The following CKM variants were observed in gnomAD, a reference collection of about 807,000 sequenced individuals.
CKM encodes creatine kinase, M-type.
In CKM, 28 loss-of-function variants were observed where a neutral mutation model predicts 35.4. The observed-to-expected ratio is 0.79, with a 90% CI of 0.59 to 1.08. CKM has a LOEUF of 1.08. Ranked by LOEUF, CKM falls within the 50% of genes least tolerant of loss-of-function variation. CKM has a pLI of 0.00. For missense variants in CKM, 484 were observed against 509.8 expected (o/e 0.95, Z 0.49); for synonymous variants, 215 against 204.4 (o/e 1.05, Z -0.44).
chr19:45,318,637 C>A (rs993080408), intron 2 of CKM, among the ~76,000 whole-genome samples: 7 of 151,896 alleles, frequency 4.6e-5, no homozygotes, highest in Non-Finnish European at 7.4e-5. Context: ...ATGTTAGGAT[C>A]TCAGGCTACC....
intron 5 of CKM, among the ~76,000 whole-genome samples, chr19:45,310,368 C>T (rs1313480992): frequency 6.6e-6 from 1 of 151,612 alleles, no homozygotes; most frequent in Non-Finnish European, 1.5e-5. Context: ...GATCCGCCCG[C>T]CTTGGCCTCC....
chr19:45,318,048 T>G, intron 2 of CKM, 69 bp from the exon 3 acceptor site: 1 of 1,407,870 alleles, frequency 7.1e-7, no homozygotes, highest in Non-Finnish European at 1.0e-6. Flanking sequence ...GTGGGCTCAG[T>G]GGAGCCTGTG....
intron 3 of CKM, among the ~76,000 whole-genome samples, chr19:45,316,690 G>A (rs1415597283): frequency 2.6e-5 from 4 of 151,486 alleles, no homozygotes; most frequent in South Asian, 2.1e-4. Context: ...CTGCAACTGC[G>A]TGTGTCTCTC....
intron 1 of CKM, 128 bp from the exon 2 acceptor site, chr19:45,319,859 C>T (rs1485606408): frequency 1.7e-5 from 12 of 697,900 alleles, no homozygotes; most frequent in Admixed American, 2.6e-5. Context: ...GGCACGATCT[C>T]GGCTCACTGC....
chr19:45,320,680 C>T (rs1022781239), intron 1 of CKM, among the ~76,000 whole-genome samples: 6 of 152,064 alleles, frequency 3.9e-5, no homozygotes, highest in African/African-American at 1.4e-4. Context: ...TGGAATCAGC[C>T]CAGGGTTTGA....
chr19:45,306,864 C>G lies in CKM; in HGVS notation c.1032G>C (p.Ser344=), dbSNP rs767224509. 5 of 1,614,208 alleles carry G rather than the reference C, an allele frequency of 3.1e-6. No individual in the cohort carries two copies. In the South Asian group the frequency reaches 4.4e-5, roughly 14 times the overall value. The change falls in exon 8 of 8, where the codon TCG becomes TCC. Residue 344 remains serine (S), a synonymous_variant. Transcript: ENST00000221476. The surrounding 1 kb of genome is among the most constrained non-coding windows in gnomAD (Gnocchi z 4.5). ...CCAGCTGCACCTGTTCTACTTCGGA[C>G]GAGCCCAGCCGATCAGCGTTGGACA... The part of the protein sequence containing the change: ...FDVSNADRLG[S]SEVEQVQLVV...
chr19:45,319,425 G>GCC (rs1555770296), intron 2 of CKM, 96 bp downstream of exon 2: 1 of 942,048 alleles, frequency 1.1e-6, no homozygotes, highest in Non-Finnish European at 1.7e-6. Flanking sequence ...AGAAAACTGA[G>GCC]GCCCCCCCCC....
chr19:45,318,968 C>T lies in CKM; in HGVS notation c.193+553G>A, dbSNP rs138961150. 3.2e-3 allele frequency among the ~76,000 whole-genome samples: 486 copies of T among 152,174 alleles called. 3 individuals carry two copies. The highest frequency in any genetic ancestry group is 0.011 in the African/African-American group (474 of 41,512). On this transcript the variant is annotated intron_variant, in intron 2 of 7. Coordinates refer to ENST00000221476, the MANE Select transcript of CKM (RefSeq NM_001824.5). ...CTCCCAGGCTCAAGCGATCCTCCCA[C>T]CGCAGCCTCCTGAGTAGCTTGGACC...
rs1273298877 is a variant in CKM at position 45,315,591 on chromosome 19, C to CAGG, written c.354_355insCCT (p.Gly118_Asp119insPro). Reference sequence around the variant, plus strand: ...AGCACGTAGTTAGGGTCCAGGTCGTCTCCACCCTGGAGAGCGGGTGGGAGA... The same window carrying CAGG: ...AGCACGTAGTTAGGGTCCAGGTCGTCAGGTCCACCCTGGAGAGCGGGTGGGAGA... On this transcript the variant is annotated inframe_insertion, in exon 4 of 8. Coordinates refer to ENST00000221476, the MANE Select transcript of CKM (RefSeq NM_001824.5). The CAGG allele has an allele frequency of 5.6e-6, 9 of 1,603,646 alleles. No homozygotes were observed. Among genetic ancestry groups the CAGG allele is most frequent in the Non-Finnish European group, 5.1e-6 (6 of 1,179,960 alleles).
At chr19:45,319,491 C>A in intron 2 of CKM, 30 bp downstream of exon 2, 1 of 1,586,622 alleles carries the variant, frequency 6.3e-7, no homozygotes, top group East Asian at 2.2e-5. Context: ...CCCCATGTAG[C>A]CCCTTCAGTG....
At chr19:45,310,143 C>T (rs142548240) in intron 5 of CKM, among the ~76,000 whole-genome samples, 1,531 of 74,438 alleles carry the variant, frequency 0.021, 29 homozygotes, top group African/African-American at 0.075. Context: ...TTTTTTGAGA[C>T]AGAGTCTTGG....
At chr19:45,310,865 G>C (rs1177681803) in intron 5 of CKM, among the ~76,000 whole-genome samples, 1 of 143,290 alleles carries the variant, frequency 7.0e-6, no homozygotes, top group Non-Finnish European at 1.5e-5. Flanking sequence ...CCGCCTCTTG[G>C]GTTCAGGCCA....
In CKM at chr19:45,315,504, G is replaced by A. The variant is rs201797734; in HGVS notation, c.442C>T (p.Arg148Cys). ...TTCTCCACCGCCCGGCGCTCGCCACGGGAGCAGTGTGGGGGCAACGTGTAG... is the reference window on the plus strand; with the variant it reads ...TTCTCCACCGCCCGGCGCTCGCCACAGGAGCAGTGTGGGGGCAACGTGTAG... ...KGYTLPPHCS[R>C]GERRAVEKLS... is the part of the protein sequence containing the mutation. Residue 148 changes from arginine (R) to cysteine (C), a missense_variant, in exon 4 of 8, where the codon CGT becomes TGT. Arg to Cys is a radical substitution (Grantham distance 180). Coordinates refer to ENST00000221476, the MANE Select transcript of CKM (RefSeq NM_001824.5). The A allele has an allele frequency of 6.2e-6, 10 of 1,600,274 alleles. No homozygotes were observed. The highest frequency in any genetic ancestry group is 1.6e-4 in the Middle Eastern group (1 of 6,078).
At position 45,308,454 on chromosome 19, in the gene CKM, G is replaced by T. The variant is rs60621776; in HGVS notation, c.732C>A (p.Gly244=). 5.0e-6 allele frequency: 8 copies of T among 1,614,102 alleles called. No individual in the cohort carries two copies. The South Asian group carries it at 7.7e-5, about 16-fold the overall frequency. ...AGCGGCGGAAAACCTCCTTCATGTT[G>T]CCCCCCTTCTCCATGGAGATGACCC... ...HLRVISMEKG[G]NMKEVFRRFC... is the part of the protein sequence containing the mutation. Residue 244 remains glycine (G), a synonymous_variant, in exon 6 of 8, where the codon GGC becomes GGA. Transcript: ENST00000221476.
chr19:45,322,156 A>T (rs12981681), intron 1 of CKM, among the ~76,000 whole-genome samples: 26,020 of 151,096 alleles, frequency 0.17, 2,899 homozygotes, highest in Non-Finnish European at 0.25. Flanking sequence ...CCTTCAGAGG[A>T]TGCCCCCCTA....
In CKM at chr19:45,319,720, G is replaced by A. The variant is rs775525357; in HGVS notation, c.-7C>T. 1.7e-5 allele frequency: 27 copies of A among 1,613,864 alleles called. No homozygotes were observed. The highest frequency in any genetic ancestry group is 1.7e-4 in the Middle Eastern group (1 of 6,036). On this transcript the variant is annotated 5_prime_UTR_variant, in exon 2 of 8. Coordinates refer to ENST00000221476, the MANE Select transcript of CKM (RefSeq NM_001824.5). ...GGGTGTTACCGAATGGCATGGTGGC[G>A]GTGTAGGAGACCTGATGGGCAGGGC...
intron 1 of CKM, among the ~76,000 whole-genome samples, chr19:45,320,293 C>T (rs2123146645): frequency 6.6e-6 from 1 of 151,556 alleles, no homozygotes; most frequent in South Asian, 2.1e-4. Context: ...TTCACCATCT[C>T]TACTGGTTGG....
intron 5 of CKM, among the ~76,000 whole-genome samples, chr19:45,311,343 C>T (rs1599815920): frequency 6.6e-6 from 1 of 151,884 alleles, no homozygotes; most frequent in East Asian, 1.9e-4. Flanking sequence ...AAGCGATTCT[C>T]CTGCATCATC....
At chr19:45,310,245 C>T (rs184412360) in intron 5 of CKM, among the ~76,000 whole-genome samples, 35 of 151,274 alleles carry the variant, frequency 2.3e-4, no homozygotes, top group East Asian at 1.2e-3. Context: ...CTCAGCCTCA[C>T]GAGTAAGTAG....
Sources: gnomAD v4.1 joint callset for allele counts (sites outside exome capture counted in the v4.1 genomes callset) on GRCh38, gnomAD v4.1.1 for gene constraint, Gnocchi (gnomAD v3.1) non-coding constraint, MANE v1.5 for transcripts, NCBI Gene and HGNC (gene_info 2026-07-23, HGNC 2026-07-21) for gene names.